Variants in MGMT observed in about 807,000 individuals in gnomAD.
The protein encoded by MGMT is methylated-DNA--protein-cysteine methyltransferase.
A neutral mutation model predicts 15.9 loss-of-function variants in MGMT; 14 were observed. The ratio of observed to expected loss-of-function variants is 0.88; its 90% confidence interval spans 0.58 to 1.37. MGMT has a LOEUF of 1.37. Ranked by LOEUF, MGMT falls within the 40% of genes most tolerant of loss-of-function variation. The probability of loss-of-function intolerance (pLI) is 0.00; values close to 1 mark genes in which losing one functional copy is unlikely to be tolerated. For missense variants in MGMT, 282 were observed against 268.1 expected (o/e 1.05, Z -0.36); for synonymous variants, 130 against 118.2 (o/e 1.10, Z -0.65).
intron 2 of MGMT, among the ~76,000 whole-genome samples, chr10:129,628,288 T>C (rs1488416370): frequency 1.3e-5 from 2 of 152,246 alleles, no homozygotes; most frequent in Non-Finnish European, 2.9e-5. Context: ...CCAAAAGCTT[T>C]ATGAGTTTAT....
chr10:129,565,136 G>T (rs1007476054), intron 2 of MGMT, among the ~76,000 whole-genome samples: 15 of 152,250 alleles, frequency 9.9e-5, no homozygotes, highest in African/African-American at 3.6e-4. Context: ...GGGTGTGGCA[G>T]GACCGAAGCC....
intron 2 of MGMT, among the ~76,000 whole-genome samples, chr10:129,705,017 G>A (rs1331772448): frequency 6.6e-6 from 1 of 152,190 alleles, no homozygotes; most frequent in Admixed American, 6.5e-5. Context: ...AACAATGGAA[G>A]GCAAGCACCG....
At chr10:129,708,383 G>C (rs1848192876) in intron 3 of MGMT, among the ~76,000 whole-genome samples, 1 of 152,190 alleles carries the variant, frequency 6.6e-6, no homozygotes, top group African/African-American at 2.4e-5. Context: ...TCAACTATCT[G>C]CTTGCCAACA....
chr10:129,590,516 T>C (rs2133053569), intron 2 of MGMT, among the ~76,000 whole-genome samples: 1 of 152,334 alleles, frequency 6.6e-6, no homozygotes, highest in South Asian at 2.1e-4. Context: ...CTGTTTCTGT[T>C]TTGCAATGAA....
chr10:129,723,987 T>C (rs553225005), intron 3 of MGMT, among the ~76,000 whole-genome samples: 2 of 152,310 alleles, frequency 1.3e-5, no homozygotes, highest in South Asian at 2.1e-4. Flanking sequence ...CTAAGTGTTC[T>C]CCTACCCCGC....
chr10:129,596,738 A>G lies in MGMT; in HGVS notation c.125+60361A>G, dbSNP rs188177641. The stretch of plus-strand genomic sequence containing the variant: ...CCCTCACTTGAGCATGTCTCTGGAT[A>G]TACTAGGACAGCTAGGTCGTGCTTG... On this transcript the variant is annotated intron_variant, in intron 2 of 4. Transcript: ENST00000651593. Among the ~76,000 whole-genome samples the G allele has an allele frequency of 5.1e-4, 77 of 152,320 alleles. 2 individuals carry two copies. The highest frequency in any genetic ancestry group is 5.0e-3 in the East Asian group (26 of 5,182).
At chr10:129,636,971 G>T (rs895551434) in intron 2 of MGMT, among the ~76,000 whole-genome samples, 1 of 152,196 alleles carries the variant, frequency 6.6e-6, no homozygotes, top group African/African-American at 2.4e-5. Context: ...TAAGTCAGAG[G>T]CTTTATAAAC....
At chr10:129,758,015 T>G (rs1386531746) in intron 3 of MGMT, among the ~76,000 whole-genome samples, 1 of 152,242 alleles carries the variant, frequency 6.6e-6, no homozygotes, top group African/African-American at 2.4e-5. Context: ...TACTAATCCA[T>G]GTAAATTAAT....
chr10:129,543,167 G>A (rs1485273919), intron 2 of MGMT, among the ~76,000 whole-genome samples: 1 of 152,218 alleles, frequency 6.6e-6, no homozygotes, highest in Non-Finnish European at 1.5e-5. Flanking sequence ...CATGGGGCCT[G>A]CAGAGGTGTT....
intron 2 of MGMT, among the ~76,000 whole-genome samples, chr10:129,610,812 G>A (rs910707087): frequency 1.3e-5 from 2 of 152,152 alleles, no homozygotes; most frequent in African/African-American, 4.8e-5. Flanking sequence ...GCATTCATTT[G>A]CCTCTGTCCC....
intron 3 of MGMT, among the ~76,000 whole-genome samples, chr10:129,734,939 G>T (rs1234663827): frequency 6.6e-6 from 1 of 152,198 alleles, no homozygotes; most frequent in Non-Finnish European, 1.5e-5. Flanking sequence ...TCAGCTTTTT[G>T]ATGTGCTGCT....
intron 2 of MGMT, among the ~76,000 whole-genome samples, chr10:129,540,718 C>T (rs1006732555): frequency 2.6e-5 from 4 of 152,184 alleles, no homozygotes; most frequent in African/African-American, 9.6e-5. Context: ...TGGAAGCATT[C>T]CCTCTTCTAT....
rs10543851 is a variant in MGMT at position 129,646,719 on chromosome 10, AATATATATATATATATAT to A, written c.126-61157_126-61140del. 4.7e-3 allele frequency among the ~76,000 whole-genome samples: 386 copies of A among 81,706 alleles called. 24 individuals are homozygous for A. The highest frequency in any genetic ancestry group is 0.017 in the African/African-American group (361 of 21,090). The allele number at this position is 81,706 out of a possible 152,430, so 53.6% of individuals were successfully genotyped here. A position where few individuals can be genotyped will look rare whatever the true frequency, so the allele number is the denominator to read the frequency against. On this transcript the variant is annotated intron_variant, in intron 2 of 4. Transcript: ENST00000651593. Reference sequence around the variant, plus strand: ...TTCCAGAAGCCTGCTGCCCATCAGAAATATATATATATATATATATATATATATATATATATTTTCAGG... The same window carrying A: ...TTCCAGAAGCCTGCTGCCCATCAGAAATATATATATATATATATTTTCAGG...
At position 129,699,012 on chromosome 10, in the gene MGMT, G is replaced by T. The variant is rs181930658; in HGVS notation, c.126-8883G>T. Reference sequence around the variant, plus strand: ...CTTTTGAATAAAATTTAACTAGATTGCTCTGCATCCTGTAATTGTTTTGGA... The same window carrying T: ...CTTTTGAATAAAATTTAACTAGATTTCTCTGCATCCTGTAATTGTTTTGGA... On this transcript the variant is annotated intron_variant, in intron 2 of 4. Transcript: ENST00000651593. 6.2e-3 allele frequency among the ~76,000 whole-genome samples: 947 copies of T among 152,238 alleles called. 11 individuals carry two copies. Among genetic ancestry groups the T allele is most frequent in the African/African-American group, 0.021 (874 of 41,532 alleles).
At chr10:129,597,996 CATG>C (rs1203551036) in intron 2 of MGMT, among the ~76,000 whole-genome samples, 1 of 152,172 alleles carries the variant, frequency 6.6e-6, no homozygotes, top group Non-Finnish European at 1.5e-5. Context: ...CTGTGATTGG[CATG>C]GTGGTGGCTC....
chr10:129,712,475 CTTCTATTATAG>C (rs1848243741), intron 3 of MGMT, among the ~76,000 whole-genome samples: 1 of 152,154 alleles, frequency 6.6e-6, no homozygotes, highest in African/African-American at 2.4e-5. Flanking sequence ...GTTTTTGTAA[CTTCTATTATAG>C]AGCCTCAGAA....
At chr10:129,475,597 A>C (rs1845283371) in intron 1 of MGMT, among the ~76,000 whole-genome samples, 1 of 152,188 alleles carries the variant, frequency 6.6e-6, no homozygotes, top group African/African-American at 2.4e-5. Context: ...TGTTATCATC[A>C]GATTAAGCTG....
chr10:129,509,492 C>G (rs1845659595), intron 1 of MGMT, among the ~76,000 whole-genome samples: 1 of 152,174 alleles, frequency 6.6e-6, no homozygotes, highest in Non-Finnish European at 1.5e-5. Flanking sequence ...TGTGTTTTAT[C>G]AAGTGGAAAA....
chr10:129,759,869 C>T (rs561299460), intron 4 of MGMT, among the ~76,000 whole-genome samples: 15 of 152,168 alleles, frequency 9.9e-5, no homozygotes, highest in East Asian at 1.9e-4. Context: ...AAGCACCACA[C>T]GTGAGCACAC....
Sources: gnomAD v4.1 joint callset for allele counts (sites outside exome capture counted in the v4.1 genomes callset) on GRCh38, gnomAD v4.1.1 for gene constraint, MANE v1.5 for transcripts, NCBI Gene and HGNC (gene_info 2026-07-23, HGNC 2026-07-21) for gene names.